The following ZFPM2 variants were observed in gnomAD, a reference collection of about 807,000 sequenced individuals.
The protein encoded by ZFPM2 is zinc finger protein ZFPM2.
Under a neutral mutation model 98.6 loss-of-function variants are expected in ZFPM2, and 20 were observed. The observed-to-expected ratio is 0.20, with a 90% CI of 0.14 to 0.29. The LOEUF (loss-of-function observed/expected upper bound fraction) is 0.29. ZFPM2 is among the 10% of genes least tolerant of loss of function. The pLI is 1.00. For missense variants in ZFPM2, 1,310 were observed against 1,388.6 expected, an observed-to-expected ratio of 0.94 and a Z score of 0.90; for synonymous variants, 518 against 502.7, an observed-to-expected ratio of 1.03 and a Z score of -0.41.
chr8:105,428,808 G>C (rs1163072102), intron 2 of ZFPM2, among the ~76,000 whole-genome samples: 1 of 152,156 alleles, frequency 6.6e-6, no homozygotes, highest in African/African-American at 2.4e-5. Flanking sequence ...CTTTTCTGAA[G>C]GAAATGCAGT....
intron 1 of ZFPM2, among the ~76,000 whole-genome samples, chr8:105,368,829 C>T (rs1354495278): frequency 6.6e-6 from 1 of 152,084 alleles, no homozygotes; most frequent in Non-Finnish European, 1.5e-5. Flanking sequence ...ATAATAGCTG[C>T]TCCAGAAAAA....
At chr8:105,521,132 T>C (rs527400538) in intron 3 of ZFPM2, among the ~76,000 whole-genome samples, 125 of 148,630 alleles carry the variant, frequency 8.4e-4, no homozygotes, top group South Asian at 5.1e-3. Context: ...TATATATATA[T>C]ACACACACAC....
At chr8:105,661,859 G>A (rs1194083629) in intron 5 of ZFPM2, among the ~76,000 whole-genome samples, 2 of 152,068 alleles carry the variant, frequency 1.3e-5, no homozygotes, top group Non-Finnish European at 2.9e-5. Context: ...ATGGGGACAC[G>A]TTTAATTGAG....
rs537645270 is a variant in ZFPM2, at chr8:105,580,984, G to A, written c.420+19503G>A. Reference sequence around the variant, plus strand: ...TATCTCTATTTTATAAAAGACGAGTGAGTAGTGACCAACTCAAGCTAAACT... The same window carrying A: ...TATCTCTATTTTATAAAAGACGAGTAAGTAGTGACCAACTCAAGCTAAACT... On this transcript the variant is annotated intron_variant, in intron 4 of 7. Transcript: ENST00000407775. Among the ~76,000 whole-genome samples the A allele has an allele frequency of 5.7e-4, 87 of 152,024 alleles. 1 individual carries two copies. In the South Asian group the frequency reaches 0.018, roughly 31 times the overall value.
chr8:105,764,830 A>C (rs1355202433), intron 5 of ZFPM2, among the ~76,000 whole-genome samples: 1 of 151,830 alleles, frequency 6.6e-6, no homozygotes, highest in Non-Finnish European at 1.5e-5. Context: ...AGAAGAAAAA[A>C]CACCAAGTAT....
intron 1 of ZFPM2, among the ~76,000 whole-genome samples, chr8:105,330,606 A>C: frequency 4.1e-5 from 1 of 24,440 alleles, no homozygotes; most frequent in Non-Finnish European, 6.5e-5. Context: ...ATATATATAT[A>C]TATACACATA....
At chr8:105,383,851 C>T (rs1810934276) in intron 1 of ZFPM2, among the ~76,000 whole-genome samples, 2 of 152,124 alleles carry the variant, frequency 1.3e-5, no homozygotes, top group Admixed American at 6.6e-5. Context: ...AACAAAGTAT[C>T]ACTATATTAA....
At chr8:105,351,563 T>G (rs1177920710) in intron 1 of ZFPM2, among the ~76,000 whole-genome samples, 1 of 152,170 alleles carries the variant, frequency 6.6e-6, no homozygotes, top group Admixed American at 6.5e-5. Context: ...GAATCAGAAT[T>G]GCCATGAGAT....
At chr8:105,660,026 A>G (rs1311933511) in intron 5 of ZFPM2, among the ~76,000 whole-genome samples, 2 of 152,232 alleles carry the variant, frequency 1.3e-5, no homozygotes, top group East Asian at 3.8e-4. Flanking sequence ...AAAAAGAAAG[A>G]TAAACACTTT....
intron 5 of ZFPM2, among the ~76,000 whole-genome samples, chr8:105,761,239 C>T (rs1171203277): frequency 2.0e-5 from 3 of 152,004 alleles, no homozygotes; most frequent in African/African-American, 7.2e-5. Flanking sequence ...GAGAAATCTA[C>T]ACCTTTCTTT....
In ZFPM2 at chr8:105,617,482, T is replaced by C. The variant is rs191259470; in HGVS notation, c.421-16764T>C. ...GAATCCTCCATCAGTGCGCCTAGAT[T>C]TGAGTGCAGATTAGGTTCCCTAAGT... On this transcript the variant is annotated intron_variant, in intron 4 of 7. Coordinates refer to ENST00000407775, the MANE Select transcript of ZFPM2 (RefSeq NM_012082.4). Among the ~76,000 whole-genome samples, 371 of 152,250 alleles carry C rather than the reference T, an allele frequency of 2.4e-3. 3 individuals carry two copies. Among genetic ancestry groups the C allele is most frequent in the Non-Finnish European group, 4.1e-3 (276 of 68,006 alleles).
chr8:105,585,999 A>AGG (rs201076605), intron 4 of ZFPM2, among the ~76,000 whole-genome samples: 1,727 of 108,350 alleles, frequency 0.016, 29 homozygotes, highest in African/African-American at 0.058. Context: ...TGTGGGGGGA[A>AGG]GGGGTGTGTG....
intron 3 of ZFPM2, chr8:105,528,998 C>A (rs979259695): frequency 6.6e-6 from 1 of 152,170 alleles, no homozygotes; most frequent in African/African-American, 2.4e-5. Flanking sequence ...TTAGTTTATT[C>A]TAGAGCTTCC....
chr8:105,655,226 T>C (rs1178641742), intron 5 of ZFPM2, among the ~76,000 whole-genome samples: 1 of 139,380 alleles, frequency 7.2e-6, no homozygotes, highest in African/African-American at 2.7e-5. Context: ...ATTGAGTCTT[T>C]TTTTTTTTTT....
At chr8:105,660,982 C>T (rs1424174548) in intron 5 of ZFPM2, among the ~76,000 whole-genome samples, 1 of 152,146 alleles carries the variant, frequency 6.6e-6, no homozygotes, top group Non-Finnish European at 1.5e-5. Flanking sequence ...ATCTAATTCA[C>T]AACACCAGCA....
chr8:105,618,019 A>C (rs1816457200), intron 4 of ZFPM2, among the ~76,000 whole-genome samples: 1 of 152,124 alleles, frequency 6.6e-6, no homozygotes, highest in South Asian at 2.1e-4. Flanking sequence ...AACTGTGCAA[A>C]TGTGAGAAAT....
Position 105,346,384 on chromosome 8 carries a change from CAA to C in ZFPM2, c.40+27417_40+27418del, listed in dbSNP as rs1188986869. Among the ~76,000 whole-genome samples the C allele has an allele frequency of 5.1e-3, 657 of 129,708 alleles. 6 individuals are homozygous for C. Among genetic ancestry groups the C allele is most frequent in the African/African-American group, 0.018 (624 of 35,212 alleles). The allele number at this position is 129,708 out of a possible 152,430, so 85.1% of individuals were successfully genotyped here. A position where few individuals can be genotyped will look rare whatever the true frequency, so the allele number is the denominator to read the frequency against. ...GGGCAATAAGAGCGAAACTCCATCTCAAAAAAAAAAAAAAATAAATAAATAAT... is the reference window on the plus strand; with the variant it reads ...GGGCAATAAGAGCGAAACTCCATCTCAAAAAAAAAAAAATAAATAAATAAT... On this transcript the variant is annotated intron_variant, in intron 1 of 7. Coordinates refer to ENST00000407775, the MANE Select transcript of ZFPM2 (RefSeq NM_012082.4).
At chr8:105,760,033 G>C (rs1812701487) in intron 5 of ZFPM2, among the ~76,000 whole-genome samples, 1 of 152,034 alleles carries the variant, frequency 6.6e-6, no homozygotes, top group South Asian at 2.1e-4. Context: ...TATCCTGAGA[G>C]AGTTCAGGGG....
intron 3 of ZFPM2, among the ~76,000 whole-genome samples, chr8:105,462,043 G>A (rs1323733415): frequency 6.6e-6 from 1 of 152,086 alleles, no homozygotes; most frequent in Non-Finnish European, 1.5e-5. Flanking sequence ...TAAAATATAA[G>A]CAAGGAACAA....
Sources: gnomAD v4.1 joint callset for allele counts (sites outside exome capture counted in the v4.1 genomes callset) on GRCh38, gnomAD v4.1.1 for gene constraint, MANE v1.5 for transcripts, NCBI Gene and HGNC (gene_info 2026-07-23, HGNC 2026-07-21) for gene names.